PCDHA10: variants seen among roughly 807,000 people sequenced by gnomAD.
The protein encoded by PCDHA10 is protocadherin alpha-10.
In PCDHA10, 45 loss-of-function variants were observed where a neutral mutation model predicts 61.2. The observed-to-expected ratio is 0.74, with a 90% CI of 0.58 to 0.94. The LOEUF is 0.94. PCDHA10 is among the 40% of genes least tolerant of loss of function. The pLI, the probability that PCDHA10 is intolerant of heterozygous loss-of-function variation, is 0.00. For missense variants in PCDHA10, 1,278 were observed against 1,236.2 expected (o/e 1.03, Z -0.51); for synonymous variants, 602 against 548.8 (o/e 1.10, Z -1.35).
chr5:140,944,095 A>AT (rs2093609322), intron 1 of PCDHA10, among the ~76,000 whole-genome samples: 1 of 152,250 alleles, frequency 6.6e-6, no homozygotes. Context: ...GAGTAAGTTT[A>AT]TATCTCATGG....
chr5:140,935,870 T>C (rs1486682424), intron 1 of PCDHA10, among the ~76,000 whole-genome samples: 1 of 151,620 alleles, frequency 6.6e-6, no homozygotes, highest in East Asian at 1.9e-4. Context: ...TAGCAATTAA[T>C]GAGCTCCAAT....
intron 1 of PCDHA10, among the ~76,000 whole-genome samples, chr5:140,895,075 A>C (rs1309295177): frequency 6.6e-6 from 1 of 152,102 alleles, no homozygotes; most frequent in Admixed American, 6.5e-5. Flanking sequence ...AATTCCTATC[A>C]GTTCCTCCTC....
At chr5:140,877,487 A>C (rs1293347310) in intron 1 of PCDHA10, 1 of 1,613,704 alleles carries the variant, frequency 6.2e-7, no homozygotes, top group African/African-American at 1.3e-5. Context: ...CTGGTGGAGA[A>C]CGGCCAGGCC....
chr5:140,892,772 C>G (rs1053940130), intron 1 of PCDHA10, among the ~76,000 whole-genome samples: 1 of 152,144 alleles, frequency 6.6e-6, no homozygotes, highest in African/African-American at 2.4e-5. Context: ...ACTCTTCTAG[C>G]TTCTTGAAAA....
At chr5:140,889,332 G>T (rs1387530088) in intron 1 of PCDHA10, among the ~76,000 whole-genome samples, 1 of 151,982 alleles carries the variant, frequency 6.6e-6, no homozygotes, top group African/African-American at 2.4e-5. Flanking sequence ...TCAGGATTTT[G>T]ATTGGTGGGA....
intron 1 of PCDHA10, among the ~76,000 whole-genome samples, chr5:140,890,562 C>T (rs1456006217): frequency 1.3e-5 from 2 of 151,980 alleles, no homozygotes; most frequent in Non-Finnish European, 2.9e-5. Flanking sequence ...TTTTATTGTT[C>T]CATTTCCTTC....
rs2098423512 is a variant in PCDHA10 at position 141,012,298 on chromosome 5, T to A, written c.*2361T>A. On this transcript the variant is annotated 3_prime_UTR_variant, in exon 4 of 4. Transcript: ENST00000307360. ...ATGTGGATTCATTTTGAATTGGTGC[T>A]ATTGGTATTTCCTCTGTTATTGCTA... is the stretch of plus-strand genomic sequence containing the variant. The A allele has an allele frequency of 6.5e-6, 1 of 153,804 alleles. No individual in the cohort carries two copies. Among genetic ancestry groups the A allele is most frequent in the Non-Finnish European group, 1.5e-5 (1 of 68,048 alleles). 9.5% of individuals were successfully genotyped at this position (153,804 alleles called of 1,614,324 possible). A position where few individuals can be genotyped will look rare whatever the true frequency, so the allele number is the denominator to read the frequency against.
chr5:140,893,862 C>T (rs1376548113), intron 1 of PCDHA10, among the ~76,000 whole-genome samples: 1 of 152,158 alleles, frequency 6.6e-6, no homozygotes, highest in East Asian at 1.9e-4. Flanking sequence ...TGTATAGAAA[C>T]AACCCAGATC....
chr5:140,936,593 C>T (rs1475903432), intron 1 of PCDHA10, among the ~76,000 whole-genome samples: 1 of 152,168 alleles, frequency 6.6e-6, no homozygotes, highest in African/African-American at 2.4e-5. Context: ...GTTAGATTGC[C>T]TACTTTCCTC....
At position 140,856,679 on chromosome 5, in the gene PCDHA10, T is replaced by C. The variant is rs781823964; in HGVS notation, c.631T>C (p.Leu211=). 1.0e-4 allele frequency: 165 copies of C among 1,597,704 alleles called. 10 individuals are homozygous for C. Among genetic ancestry groups the C allele is most frequent in the Non-Finnish European group, 1.4e-4 (162 of 1,167,324 alleles). The change falls in exon 1 of 4, where the codon TTG becomes CTG. Residue 211 remains leucine, a synonymous_variant. Transcript: ENST00000307360. ...AGAAAATCCTCAGCTAAAGTTGTTG[T>C]TGACAGCAACTGATGGAGGCAAACC... ...REENPQLKLL[L]TATDGGKPEF... is the part of the protein sequence containing the mutation.
intron 1 of PCDHA10, among the ~76,000 whole-genome samples, chr5:140,951,182 C>T (rs782338729): frequency 9.2e-5 from 14 of 151,876 alleles, no homozygotes; most frequent in East Asian, 1.9e-4. Context: ...AGTCATTGTC[C>T]GCTAATTCCC....
chr5:140,967,111 T>G, intron 1 of PCDHA10: 1 of 1,612,990 alleles, frequency 6.2e-7, no homozygotes, highest in East Asian at 2.2e-5. Context: ...AGCAGCGGCC[T>G]CGCTGCCTGC....
chr5:140,948,426 G>A (rs1301925814), intron 1 of PCDHA10, among the ~76,000 whole-genome samples: 1 of 151,446 alleles, frequency 6.6e-6, no homozygotes, highest in African/African-American at 2.4e-5. Flanking sequence ...TCTTCCTTCA[G>A]TGAAACATTC....
intron 1 of PCDHA10, among the ~76,000 whole-genome samples, chr5:140,902,720 C>A (rs371638113): frequency 6.6e-6 from 1 of 152,050 alleles, no homozygotes; most frequent in African/African-American, 2.4e-5. Flanking sequence ...CCCCTCCCAC[C>A]CTTCCCTCCA....
At chr5:140,906,924 T>G (rs1244538728) in intron 1 of PCDHA10, among the ~76,000 whole-genome samples, 1 of 152,226 alleles carries the variant, frequency 6.6e-6, no homozygotes, top group African/African-American at 2.4e-5. Flanking sequence ...GCCCAAAAAG[T>G]GTCCCGGTGT....
intron 3 of PCDHA10, among the ~76,000 whole-genome samples, chr5:140,990,165 G>A (rs2097378132): frequency 6.6e-6 from 1 of 152,126 alleles, no homozygotes; most frequent in African/African-American, 2.4e-5. Flanking sequence ...GTTAGGGTAT[G>A]AAAAGGTGAC....
At chr5:140,863,590 A>G (rs1182896433) in intron 1 of PCDHA10, 1 of 358,846 alleles carries the variant, frequency 2.8e-6, no homozygotes, top group African/African-American at 2.1e-5. Flanking sequence ...CCTGGAAAGT[A>G]TTTCATTCCT....
At position 140,870,603 on chromosome 5, in the gene PCDHA10, C is replaced by T. The variant is rs782250124; in HGVS notation, c.2388+12167C>T. ...CGCTGGTGGAGCGGCGGTTGGGCGACCGCGCGCTGTCGAGCTACGTGTCGG... is the reference window on the plus strand; with the variant it reads ...CGCTGGTGGAGCGGCGGTTGGGCGATCGCGCGCTGTCGAGCTACGTGTCGG... On this transcript the variant is annotated intron_variant, in intron 1 of 3. Coordinates refer to ENST00000307360, the MANE Select transcript of PCDHA10 (RefSeq NM_018901.4). The T allele has an allele frequency of 4.3e-6, 7 of 1,613,340 alleles. No homozygotes were observed. The Admixed American group carries it at 1.2e-4, about 27-fold the overall frequency.
At chr5:140,881,340 C>T (rs782406068) in intron 1 of PCDHA10, 10 of 984,934 alleles carry the variant, frequency 1.0e-5, no homozygotes, top group African/African-American at 5.2e-5. Context: ...GACGCCGATT[C>T]GGGCTACAAT....
Sources: allele counts gnomAD v4.1 joint callset (sites outside exome capture counted in the v4.1 genomes callset), GRCh38; gene constraint gnomAD v4.1.1; transcripts MANE v1.5; gene names NCBI Gene and HGNC (gene_info 2026-07-23, HGNC 2026-07-21).